Variants in CUX1 observed in about 807,000 individuals in gnomAD.
The protein encoded by CUX1 is protein CASP.
CUX1 carries 31 observed loss-of-function variants against 158.8 expected under a neutral mutation model. The ratio of observed to expected loss-of-function variants is 0.20; its 90% confidence interval spans 0.15 to 0.26. The LOEUF is 0.26. Among genes scored for constraint, CUX1 ranks in the 10% least tolerant of loss-of-function variants. CUX1 has a pLI of 1.00. For synonymous variants in CUX1, 879 were observed against 862.1 expected (o/e 1.02, Z -0.34); for missense variants, 1,589 against 2,014.6 (o/e 0.79, Z 4.04).
chr7:102,201,374 C>G lies in CUX1; in HGVS notation c.2077C>G (p.Pro693Ala), dbSNP rs781990079. ...QVQKTAEPAQ[P>A]SSASGSGNSD... ...TCTCCATGCAGCAGAGCCGGCCCAG[C>G]CTTCCTCCGCATCCGGCAGCGGGAA... Residue 693 changes from proline to alanine, a missense_variant, in exon 18 of 24, where the codon CCT becomes GCT. Transcript: ENST00000292535. This position sits in a 1 kb window ranked among gnomAD's most constrained non-coding sequence, Gnocchi z 5.0. The G allele has an allele frequency of 3.7e-6, 6 of 1,613,502 alleles. No homozygotes were observed. The South Asian group carries it at 6.6e-5, about 18-fold the overall frequency.
intron 2 of CUX1, among the ~76,000 whole-genome samples, chr7:102,021,546 A>G (rs1819343075): frequency 6.6e-6 from 1 of 151,578 alleles, no homozygotes; most frequent in Non-Finnish European, 1.5e-5. Context: ...GGGCTCAAGC[A>G]ATCCTCCTGC....
At chr7:101,919,946 G>T (rs1804703633) in intron 2 of CUX1, among the ~76,000 whole-genome samples, 1 of 152,090 alleles carries the variant, frequency 6.6e-6, no homozygotes, top group African/African-American at 2.4e-5. Context: ...GGTTTTTCTG[G>T]GGACAGGATC....
intron 2 of CUX1, among the ~76,000 whole-genome samples, chr7:101,966,155 C>T (rs369220490): frequency 7.9e-5 from 12 of 152,028 alleles, no homozygotes; most frequent in African/African-American, 2.7e-4. Context: ...GCCTCAACCT[C>T]CCCGGGCTCA....
intron 3 of CUX1, among the ~76,000 whole-genome samples, chr7:102,039,732 T>C (rs1226368033): frequency 6.6e-6 from 1 of 151,762 alleles, no homozygotes; most frequent in Non-Finnish European, 1.5e-5. Flanking sequence ...TGAAGCCCCC[T>C]TCCCTTCTAA....
intron 8 of CUX1, chr7:102,115,616 T>C (rs1831361503): frequency 4.8e-6 from 1 of 209,808 alleles, no homozygotes; most frequent in Non-Finnish European, 9.3e-6. Context: ...AGTTCTTCAT[T>C]TCTCCCAGGG....
At chr7:101,980,120 A>C (rs187200422) in intron 2 of CUX1, among the ~76,000 whole-genome samples, 1 of 152,228 alleles carries the variant, frequency 6.6e-6, no homozygotes, top group Admixed American at 6.5e-5. Context: ...AGTGCCCTGC[A>C]GTGTCATTCT....
Position 101,817,675 on chromosome 7 carries a change from C to T in CUX1, c.30+6C>T, listed in dbSNP as rs1792019054. ...TAGCCGGAGCCAGGTTGAAGGTGAG[C>T]GGCGTGTGGGCCAGAAGTCCCGAGG... On this transcript the variant is annotated splice_donor_region_variant and intron_variant, in intron 1 of 23. Coordinates refer to ENST00000292535, the MANE Select transcript of CUX1 (RefSeq NM_181552.4). This position sits in a 1 kb window ranked among gnomAD's most constrained non-coding sequence, Gnocchi z 4.1. 11 of 1,551,410 alleles carry T rather than the reference C, an allele frequency of 7.1e-6. No individual in the cohort carries two copies. Among genetic ancestry groups the T allele is most frequent in the Non-Finnish European group, 9.6e-6 (11 of 1,147,462 alleles).
chr7:101,838,995 G>A (rs1053308026), intron 1 of CUX1, among the ~76,000 whole-genome samples: 2 of 152,220 alleles, frequency 1.3e-5, no homozygotes, highest in African/African-American at 4.8e-5. Flanking sequence ...TTCCTGGCTT[G>A]CAGATGGCCT....
Position 102,123,304 on chromosome 7 carries a change from A to G in CUX1, c.674+8031A>G, listed in dbSNP as rs545342674. ...ACATGTTTGTGAATATAAACATGCA[A>G]TCAGTTTTTAAAAAATTTTTATCGG... is the stretch of plus-strand genomic sequence containing the variant. On this transcript the variant is annotated intron_variant, in intron 8 of 23. Transcript: ENST00000292535. Among the ~76,000 whole-genome samples the G allele has an allele frequency of 3.9e-5, 6 of 151,956 alleles. No individual in the cohort carries two copies. In the East Asian group the frequency reaches 1.2e-3, roughly 30 times the overall value.
chr7:102,224,608 C>G (rs976157032), intron 20 of CUX1, among the ~76,000 whole-genome samples: 4 of 152,158 alleles, frequency 2.6e-5, no homozygotes, highest in African/African-American at 9.7e-5. Flanking sequence ...GGGGGCCTGC[C>G]TTTGTCTGTA....
intron 3 of CUX1, among the ~76,000 whole-genome samples, chr7:102,029,413 A>G (rs1820445308): frequency 6.6e-6 from 1 of 152,090 alleles, no homozygotes; most frequent in Admixed American, 6.6e-5. Context: ...TCCTCTTGGG[A>G]CACAGGTGAT....
chr7:101,956,138 C>CCA (rs1809754484), intron 2 of CUX1, among the ~76,000 whole-genome samples: 1 of 64,980 alleles, frequency 1.5e-5, no homozygotes. Flanking sequence ...GCCCACGTCT[C>CCA]AAAAAAAAAA....
chr7:101,910,775 A>G (rs572332300), intron 1 of CUX1, among the ~76,000 whole-genome samples: 2 of 152,212 alleles, frequency 1.3e-5, no homozygotes, highest in South Asian at 2.1e-4. Flanking sequence ...GGCAAATCCA[A>G]ATGGATCTCT....
chr7:101,987,465 G>T lies in CUX1; in HGVS notation c.142-40633G>T, dbSNP rs922478858. On this transcript the variant is annotated intron_variant, in intron 2 of 23. Transcript: ENST00000292535. ...ACTGCTTGCTTTGAAGTCTGTTTCA[G>T]ACTAGGGTCATGTTTCAAAGTTTTT... is the stretch of plus-strand genomic sequence containing the variant. 3.3e-5 allele frequency among the ~76,000 whole-genome samples: 5 copies of T among 152,238 alleles called. No homozygotes were observed. In the South Asian group the frequency reaches 1.0e-3, roughly 32 times the overall value.
intron 3 of CUX1, among the ~76,000 whole-genome samples, chr7:102,029,014 A>G (rs1820401654): frequency 9.5e-6 from 1 of 105,664 alleles, no homozygotes; most frequent in Non-Finnish European, 1.8e-5. Flanking sequence ...TTTTTTGGCG[A>G]CAGAGTCTTG....
chr7:102,113,601 A>G (rs1831156184), intron 7 of CUX1, among the ~76,000 whole-genome samples: 2 of 151,840 alleles, frequency 1.3e-5, no homozygotes, highest in Admixed American at 1.3e-4. Context: ...TCTGTCGCTC[A>G]GGTTGGAGAG....
intron 4 of CUX1, among the ~76,000 whole-genome samples, chr7:102,090,094 AT>A (rs1260725080): frequency 6.6e-6 from 1 of 152,208 alleles, no homozygotes; most frequent in Non-Finnish European, 1.5e-5. Context: ...AGTTCTGTTA[AT>A]TTTGATTTTT....
chr7:102,225,433 A>G (rs1798248547), intron 20 of CUX1, among the ~76,000 whole-genome samples: 1 of 152,202 alleles, frequency 6.6e-6, no homozygotes, highest in Non-Finnish European at 1.5e-5. Context: ...GACTCTTAAG[A>G]TAAATGGTAA....
chr7:102,177,870 G>A (rs149536678), intron 10 of CUX1, among the ~76,000 whole-genome samples: 296 of 145,260 alleles, frequency 2.0e-3, no homozygotes, highest in African/African-American at 7.5e-3. Context: ...TGTAAGCCCT[G>A]GGAAGACAGG....
Sources: gnomAD v4.1 joint callset for allele counts (sites outside exome capture counted in the v4.1 genomes callset) on GRCh38, gnomAD v4.1.1 for gene constraint, Gnocchi (gnomAD v3.1) non-coding constraint, MANE v1.5 for transcripts, NCBI Gene and HGNC (gene_info 2026-07-23, HGNC 2026-07-21) for gene names.